The following TAOK3 variants were observed in gnomAD, a reference collection of about 807,000 sequenced individuals.
TAOK3 encodes the protein TAO kinase 3.
In TAOK3, 40 loss-of-function variants were observed where a neutral mutation model predicts 120.4. The observed-to-expected ratio is 0.33, with a 90% CI of 0.26 to 0.43. TAOK3 has a LOEUF of 0.43. Ranked by LOEUF, TAOK3 falls within the 20% of genes least tolerant of loss-of-function variation. The pLI, the probability that TAOK3 is intolerant of heterozygous loss-of-function variation, is 1.00. For synonymous variants in TAOK3, 355 were observed against 387.5 expected, an observed-to-expected ratio of 0.92 and a Z score of 0.99; for missense variants, 821 against 1,112.1, an observed-to-expected ratio of 0.74 and a Z score of 3.72.
At position 118,262,340 on chromosome 12, in the gene TAOK3, G is replaced by A. The variant is rs533905557; in HGVS notation, c.-89+4315C>T. Among the ~76,000 whole-genome samples the A allele has an allele frequency of 1.8e-4, 27 of 151,968 alleles. No homozygotes were observed. In the East Asian group the frequency reaches 3.7e-3, roughly 21 times the overall value. On this transcript the variant is annotated intron_variant, in intron 2 of 20. Transcript: ENST00000392533. ...CTATTAAAAGTACAAATAATTAGCC[G>A]GGCGTGGTGGTGGGTACCTGTAGTC...
intron 3 of TAOK3, among the ~76,000 whole-genome samples, chr12:118,247,842 T>C (rs1295562924): frequency 1.3e-5 from 2 of 152,170 alleles, no homozygotes; most frequent in African/African-American, 4.8e-5. Flanking sequence ...TTTAAAACTA[T>C]TAGTTTTCTT....
chr12:118,150,658 T>C lies in TAOK3; in HGVS notation c.*339A>G, dbSNP rs551906405. 1 of 195,040 alleles carries C rather than the reference T, an allele frequency of 5.1e-6. No homozygotes were observed. Among genetic ancestry groups the C allele is most frequent in the African/African-American group, 2.3e-5 (1 of 43,066 alleles). The allele number at this position is 195,040 out of a possible 1,614,324, so 12.1% of individuals were successfully genotyped here. A position where few individuals can be genotyped will look rare whatever the true frequency, so the allele number is the denominator to read the frequency against. On this transcript the variant is annotated 3_prime_UTR_variant, in exon 21 of 21. Coordinates refer to ENST00000392533, the MANE Select transcript of TAOK3 (RefSeq NM_016281.4). ...TAATGAGTGATTGCTTAAAGCAATA[T>C]ACATCCACTTTTTTTGTTGTTGGTT...
intron 11 of TAOK3, 117 bp downstream of exon 11, chr12:118,212,797 C>T (rs1428712107): frequency 6.4e-6 from 4 of 622,564 alleles, no homozygotes; most frequent in Non-Finnish European, 1.1e-5. Context: ...GGATAAATGA[C>T]AAGGCAGCAC....
At chr12:118,345,405 C>T (rs1381000247) in intron 1 of TAOK3, among the ~76,000 whole-genome samples, 7 of 151,718 alleles carry the variant, frequency 4.6e-5, no homozygotes, top group East Asian at 1.9e-4. Flanking sequence ...GAATGCAAAA[C>T]GAACAAAATA....
At chr12:118,316,423 T>A (rs1182379149) in intron 1 of TAOK3, among the ~76,000 whole-genome samples, 2 of 151,174 alleles carry the variant, frequency 1.3e-5, no homozygotes, top group African/African-American at 4.9e-5. Flanking sequence ...AGGACATCAT[T>A]TTTTTTTTAC....
At chr12:118,256,699 T>C (rs2041003620) in intron 2 of TAOK3, among the ~76,000 whole-genome samples, 1 of 152,192 alleles carries the variant, frequency 6.6e-6, no homozygotes, top group Non-Finnish European at 1.5e-5. Context: ...CACATATACA[T>C]GTAATTTCCA....
At chr12:118,158,940 C>A (rs1198414290) in intron 19 of TAOK3, among the ~76,000 whole-genome samples, 1 of 152,188 alleles carries the variant, frequency 6.6e-6, no homozygotes, top group Non-Finnish European at 1.5e-5. Flanking sequence ...TATACTGTAT[C>A]CTCTGTCAGG....
At chr12:118,183,231 A>G (rs2036876928) in intron 14 of TAOK3, among the ~76,000 whole-genome samples, 1 of 152,180 alleles carries the variant, frequency 6.6e-6, no homozygotes, top group South Asian at 2.1e-4. Context: ...TATACAAAGA[A>G]GAGTTTGTTT....
intron 1 of TAOK3, among the ~76,000 whole-genome samples, chr12:118,327,168 T>C (rs1258360025): frequency 6.6e-6 from 1 of 152,134 alleles, no homozygotes; most frequent in African/African-American, 2.4e-5. Flanking sequence ...CTGCATCTGG[T>C]TTTAATAATA....
intron 19 of TAOK3, among the ~76,000 whole-genome samples, chr12:118,153,733 C>T (rs1187837726): frequency 6.6e-6 from 1 of 152,146 alleles, no homozygotes; most frequent in Non-Finnish European, 1.5e-5. Flanking sequence ...CCTTATTGAC[C>T]ACTTTTCCAA....
chr12:118,193,993 A>G (rs974645823), intron 13 of TAOK3, among the ~76,000 whole-genome samples: 1 of 152,236 alleles, frequency 6.6e-6, no homozygotes, highest in African/African-American at 2.4e-5. Context: ...AAACAAACAC[A>G]AGAATATAGG....
At chr12:118,225,155 G>A (rs1273849077) in intron 9 of TAOK3, among the ~76,000 whole-genome samples, 2 of 150,934 alleles carry the variant, frequency 1.3e-5, no homozygotes, top group African/African-American at 2.4e-5. Flanking sequence ...GGCTGAGGCA[G>A]GAGAATCACT....
Position 118,212,910 on chromosome 12 carries a change from T to C in TAOK3, c.819+4A>G. On this transcript the variant is annotated splice_donor_region_variant and intron_variant, in intron 11 of 20. Transcript: ENST00000392533. ...CCTCCTCAAATATAAATTTGAAAAA[T>C]TACCCTTAATAGTTCTGCTGATGTT... The C allele has an allele frequency of 6.3e-7, 1 of 1,596,302 alleles. No individual in the cohort carries two copies. Among genetic ancestry groups the C allele is most frequent in the Non-Finnish European group, 8.5e-7 (1 of 1,170,980 alleles).
chr12:118,305,892 G>C (rs907587850), intron 1 of TAOK3, among the ~76,000 whole-genome samples: 3 of 138,440 alleles, frequency 2.2e-5, no homozygotes, highest in Non-Finnish European at 4.6e-5. Flanking sequence ...AACAGCAAAC[G>C]AGACTCCGTC....
At chr12:118,227,727 C>T (rs1480313713) in intron 9 of TAOK3, among the ~76,000 whole-genome samples, 1 of 152,196 alleles carries the variant, frequency 6.6e-6, no homozygotes. Flanking sequence ...GAGGGATCAT[C>T]TGCATCCCAG....
intron 1 of TAOK3, among the ~76,000 whole-genome samples, chr12:118,338,635 A>G (rs1372119179): frequency 1.3e-5 from 2 of 151,994 alleles, no homozygotes; most frequent in East Asian, 3.9e-4. Flanking sequence ...AAAATACAAA[A>G]ATTAGCCAGG....
intron 9 of TAOK3, among the ~76,000 whole-genome samples, chr12:118,225,104 C>A (rs146146398): frequency 6.6e-6 from 1 of 151,288 alleles, no homozygotes; most frequent in South Asian, 2.1e-4. Flanking sequence ...AAAAATTAGC[C>A]GGGAGTGGTG....
intron 14 of TAOK3, among the ~76,000 whole-genome samples, chr12:118,188,282 C>T (rs985579201): frequency 3.3e-4 from 50 of 152,210 alleles, no homozygotes; most frequent in African/African-American, 1.2e-3. Flanking sequence ...TCTAAAGCAC[C>T]GTATTTCTTC....
At chr12:118,203,111 CCT>C (rs1230305098) in intron 11 of TAOK3, among the ~76,000 whole-genome samples, 1 of 152,002 alleles carries the variant, frequency 6.6e-6, no homozygotes, top group Non-Finnish European at 1.5e-5. Flanking sequence ...TTGCCTCAAT[CCT>C]CACCCCCATA....
Sources: gnomAD v4.1 joint callset for allele counts (sites outside exome capture counted in the v4.1 genomes callset) on GRCh38, gnomAD v4.1.1 for gene constraint, MANE v1.5 for transcripts, NCBI Gene and HGNC (gene_info 2026-07-23, HGNC 2026-07-21) for gene names.